NOS1AP: variants seen among roughly 807,000 people sequenced by gnomAD.
The protein encoded by NOS1AP is carboxyl-terminal PDZ ligand of neuronal nitric oxide synthase protein.
In NOS1AP, 21 loss-of-function variants were observed where a neutral mutation model predicts 56.2. The observed-to-expected ratio is 0.37, with a 90% CI of 0.26 to 0.54. The LOEUF (loss-of-function observed/expected upper bound fraction) is 0.54. NOS1AP is among the 20% of genes least tolerant of loss of function. NOS1AP has a pLI of 0.84. For missense variants in NOS1AP, 522 were observed against 657.8 expected (o/e 0.79, Z 2.26); for synonymous variants, 270 against 274.6 (o/e 0.98, Z 0.17).
intron 4 of NOS1AP, among the ~76,000 whole-genome samples, 190 bp downstream of exon 4, chr1:162,300,896 G>C (rs751136907): frequency 6.6e-6 from 1 of 152,122 alleles, no homozygotes; most frequent in African/African-American, 2.4e-5. Context: ...GGTCATGCTT[G>C]ATTGCATTAA....
chr1:162,326,298 A>G (rs1656589372), intron 4 of NOS1AP, among the ~76,000 whole-genome samples: 1 of 152,138 alleles, frequency 6.6e-6, no homozygotes. Context: ...GAAACCTTGC[A>G]GGTGACTGGA....
At chr1:162,244,705 G>A (rs114316217) in intron 2 of NOS1AP, among the ~76,000 whole-genome samples, 3,895 of 152,236 alleles carry the variant, frequency 0.026, 71 homozygotes, top group Non-Finnish European at 0.037. Context: ...ATTGTATGAC[G>A]TTTAGCAGCA....
intron 4 of NOS1AP, among the ~76,000 whole-genome samples, chr1:162,315,993 A>G (rs570142435): frequency 2.0e-5 from 3 of 152,344 alleles, no homozygotes; most frequent in South Asian, 2.1e-4. Flanking sequence ...CTCACACACA[A>G]TAGGGCTCAA....
intron 2 of NOS1AP, among the ~76,000 whole-genome samples, chr1:162,202,300 A>C (rs978643969): frequency 2.0e-5 from 3 of 152,252 alleles, no homozygotes; most frequent in African/African-American, 7.2e-5. Flanking sequence ...TTAAAAAATC[A>C]GTGAAACACC....
intron 1 of NOS1AP, among the ~76,000 whole-genome samples, chr1:162,101,260 T>C (rs1647252646): frequency 6.6e-6 from 1 of 152,214 alleles, no homozygotes; most frequent in Non-Finnish European, 1.5e-5. Flanking sequence ...TGTGTGGTCT[T>C]CTTTCTGAGT....
At position 162,219,993 on chromosome 1, in the gene NOS1AP, C is replaced by T. The variant is rs78097444; in HGVS notation, c.177+65517C>T. 4.6e-5 allele frequency among the ~76,000 whole-genome samples: 7 copies of T among 152,276 alleles called. No homozygotes were observed. The East Asian group carries it at 9.6e-4, about 21-fold the overall frequency. ...TCACTCAGGCTGGAGTGCAGTGGCA[C>T]GATCATACCTCACTGCAACCTCAAA... On this transcript the variant is annotated intron_variant, in intron 2 of 9. Coordinates refer to ENST00000361897, the MANE Select transcript of NOS1AP (RefSeq NM_014697.3).
rs987972049 is a variant in NOS1AP at position 162,306,927 on chromosome 1, C to T, written c.344+6221C>T. 6.0e-5 allele frequency among the ~76,000 whole-genome samples: 9 copies of T among 150,814 alleles called. No individual in the cohort carries two copies. In the East Asian group the frequency reaches 9.8e-4, roughly 16 times the overall value. ...GTGAGAACCTGAGAGGCAGAGGCTG[C>T]ACTCCAGCCTGGGCAACAGAGTGAG... On this transcript the variant is annotated intron_variant, in intron 4 of 9. Transcript: ENST00000361897.
intron 2 of NOS1AP, among the ~76,000 whole-genome samples, chr1:162,199,813 A>G (rs1185732792): frequency 6.6e-6 from 1 of 152,220 alleles, no homozygotes; most frequent in Non-Finnish European, 1.5e-5. Context: ...AGGACCACGC[A>G]GTGGACTGGC....
At chr1:162,317,577 G>T (rs1224154139) in intron 4 of NOS1AP, among the ~76,000 whole-genome samples, 1 of 152,158 alleles carries the variant, frequency 6.6e-6, no homozygotes, top group Non-Finnish European at 1.5e-5. Context: ...GAGACTGCAA[G>T]ACTCATAAAC....
In NOS1AP at chr1:162,082,892, T is replaced by TGACTGTAAAC. The variant is rs758969457; in HGVS notation, c.105+12610_105+12611insGACTGTAAAC. On this transcript the variant is annotated intron_variant, in intron 1 of 9. Transcript: ENST00000361897. ...TCCTTGGTTGTGTCCTTTTTTTCTT[T>TGACTGTAAAC]TTTTTTTTTTTTTTTTTTTTTTGAG... Among the ~76,000 whole-genome samples, 60 of 4,624 alleles carry TGACTGTAAAC rather than the reference T, an allele frequency of 0.013. 10 individuals are homozygous for TGACTGTAAAC. In the Non-Finnish European group the frequency reaches 0.42, roughly 32 times the overall value. The allele number at this position is 4,624 out of a possible 152,430, so 3.0% of individuals were successfully genotyped here. A position where few individuals can be genotyped will look rare whatever the true frequency, so the allele number is the denominator to read the frequency against.
intron 2 of NOS1AP, among the ~76,000 whole-genome samples, chr1:162,267,754 C>T (rs935672014): frequency 5.9e-5 from 9 of 152,046 alleles, no homozygotes; most frequent in African/African-American, 1.9e-4. Context: ...CAGAGCAAGA[C>T]GTTGCCTCTG....
chr1:162,338,718 G>A (rs937586954), intron 5 of NOS1AP: 7 of 152,132 alleles, frequency 4.6e-5, no homozygotes, highest in African/African-American at 1.4e-4. Flanking sequence ...TACTTTGATG[G>A]GAGAAAATAA....
intron 4 of NOS1AP, among the ~76,000 whole-genome samples, chr1:162,325,665 G>T (rs933973758): frequency 6.6e-5 from 10 of 152,066 alleles, no homozygotes; most frequent in Non-Finnish European, 1.3e-4. Flanking sequence ...TGAGCAGCAG[G>T]TTGATTCTGT....
chr1:162,327,564 A>T (rs347297), intron 4 of NOS1AP, among the ~76,000 whole-genome samples: 150,969 of 152,336 alleles, frequency 0.99, 74,824 homozygotes, highest in Middle Eastern at 1. Context: ...GAAATCATGA[A>T]CACTGAGAGC....
intron 1 of NOS1AP, among the ~76,000 whole-genome samples, chr1:162,099,280 C>T (rs10800298): frequency 0.51 from 76,674 of 151,342 alleles, 21,597 homozygotes; most frequent in Non-Finnish European, 0.64. Flanking sequence ...CTCCGCCTCG[C>T]GGGTTCACGC....
chr1:162,116,698 G>C (rs1367438066), intron 1 of NOS1AP, among the ~76,000 whole-genome samples: 1 of 152,218 alleles, frequency 6.6e-6, no homozygotes, highest in African/African-American at 2.4e-5. Flanking sequence ...TGGGCATGCA[G>C]AGGATGGGTA....
At chr1:162,123,720 A>G (rs1028992747) in intron 1 of NOS1AP, among the ~76,000 whole-genome samples, 1 of 152,122 alleles carries the variant, frequency 6.6e-6, no homozygotes, top group Non-Finnish European at 1.5e-5. Context: ...AAGGACTCCA[A>G]TTTACCCTTC....
At chr1:162,184,900 A>G (rs1419174745) in intron 2 of NOS1AP, among the ~76,000 whole-genome samples, 1 of 152,244 alleles carries the variant, frequency 6.6e-6, no homozygotes, top group Non-Finnish European at 1.5e-5. Flanking sequence ...ATTACCACAA[A>G]CTTAGTGACT....
intron 2 of NOS1AP, among the ~76,000 whole-genome samples, chr1:162,180,936 A>G (rs184101216): frequency 1.4e-4 from 21 of 152,322 alleles, no homozygotes; most frequent in African/African-American, 4.8e-4. Context: ...AAACTAAAAC[A>G]TTCCCTGTTC....
Sources: allele counts gnomAD v4.1 joint callset (sites outside exome capture counted in the v4.1 genomes callset), GRCh38; gene constraint gnomAD v4.1.1; transcripts MANE v1.5; gene names NCBI Gene and HGNC (gene_info 2026-07-23, HGNC 2026-07-21).